Variants in EMC2 observed in about 807,000 individuals in gnomAD.
EMC2 encodes ER membrane protein complex subunit 2, also known as TPR repeat protein 35.
In EMC2, 37 loss-of-function variants were observed where a neutral mutation model predicts 51.6. The observed-to-expected ratio is 0.72, with a 90% confidence interval of 0.55 to 0.94. The LOEUF is 0.94. Ranked by LOEUF, EMC2 falls within the 40% of genes least tolerant of loss-of-function variation. The pLI is 0.00. For missense variants in EMC2, 359 were observed against 350.9 expected (o/e 1.02, Z -0.18); for synonymous variants, 131 against 112.4 (o/e 1.17, Z -1.04).
At chr8:108,466,324 CGA>C (rs1563697373) in intron 5 of EMC2, among the ~76,000 whole-genome samples, 1 of 151,698 alleles carries the variant, frequency 6.6e-6, no homozygotes, top group Admixed American at 6.6e-5. Context: ...AGTCAGTTAA[CGA>C]GACTGTACTT....
chr8:108,484,580 A>T (rs1262216414), intron 10 of EMC2, among the ~76,000 whole-genome samples: 1 of 151,860 alleles, frequency 6.6e-6, no homozygotes, highest in African/African-American at 2.4e-5. Flanking sequence ...GCTCTACATA[A>T]TTTTTTTTAT....
At chr8:108,450,563 T>C (rs2130336590) in intron 3 of EMC2, 71 bp downstream of exon 3, 3 of 875,850 alleles carry the variant, frequency 3.4e-6, no homozygotes, top group Middle Eastern at 2.2e-4. Context: ...ACTTAATGTA[T>C]GGCTTATATG....
At chr8:108,460,040 T>C (rs1009770836) in intron 5 of EMC2, among the ~76,000 whole-genome samples, 3 of 152,210 alleles carry the variant, frequency 2.0e-5, no homozygotes, top group African/African-American at 7.2e-5. Flanking sequence ...TGTACTTATT[T>C]CTTATTCTTA....
chr8:108,457,172 A>G (rs1222978355), intron 5 of EMC2, among the ~76,000 whole-genome samples: 3 of 152,176 alleles, frequency 2.0e-5, no homozygotes, highest in Non-Finnish European at 2.9e-5. Context: ...CTGTAATGAT[A>G]CTTATGTATT....
In EMC2 at chr8:108,479,007, C is replaced by A; in HGVS notation, c.704C>A (p.Ser235Ter). 1 of 1,541,706 alleles carries A rather than the reference C, an allele frequency of 6.5e-7. No individual in the cohort carries two copies. The highest frequency in any genetic ancestry group is 1.3e-5 in the South Asian group (1 of 77,632). ...TTTGATGTTTTTATTTGTTTTTAGT[C>A]GGCAAGTCATATTGCTTCTAATCCA... ...NMRALFGLYMSASHIASNPKA... is the reference protein window; with the variant it reads ...NMRALFGLYM The change falls in exon 10 of 11, where the codon TCG (serine) becomes TAG (stop). Residue 235 changes from serine to a stop codon, truncating the protein, a stop_gained and splice_region_variant. Coordinates refer to ENST00000220853, the MANE Select transcript of EMC2 (RefSeq NM_014673.5). LOFTEE classifies it high-confidence loss of function.
chr8:108,466,013 C>T (rs1819456302), intron 5 of EMC2, among the ~76,000 whole-genome samples: 1 of 152,086 alleles, frequency 6.6e-6, no homozygotes, highest in Non-Finnish European at 1.5e-5. Flanking sequence ...AAATGTTTAT[C>T]AGATATTTAC....
chr8:108,449,123 A>G (rs1007842840), intron 1 of EMC2, among the ~76,000 whole-genome samples: 4 of 151,908 alleles, frequency 2.6e-5, no homozygotes, highest in Middle Eastern at 3.2e-3. Context: ...TCCTTTTTCA[A>G]CCTTTAAGAG....
chr8:108,446,254 GA>G (rs1818875510), intron 1 of EMC2: 1 of 404,338 alleles, frequency 2.5e-6, no homozygotes, highest in African/African-American at 2.1e-5. Flanking sequence ...AATATTAGTG[GA>G]ATAATGAAGT....
At chr8:108,455,992 A>G in intron 5 of EMC2, 62 bp downstream of exon 5, 1 of 593,640 alleles carries the variant, frequency 1.7e-6, no homozygotes. Flanking sequence ...AAATTAATCG[A>G]GGAAATAATA....
chr8:108,444,095 A>T (rs536763153), intron 1 of EMC2, among the ~76,000 whole-genome samples: 4 of 152,338 alleles, frequency 2.6e-5, no homozygotes, highest in East Asian at 1.9e-4. Flanking sequence ...AAGGCCCTTT[A>T]CTAAGTGGTG....
intron 9 of EMC2, among the ~76,000 whole-genome samples, chr8:108,477,898 A>G (rs1256935832): frequency 6.6e-6 from 1 of 152,050 alleles, no homozygotes; most frequent in Non-Finnish European, 1.5e-5. Context: ...TGCTCTCAAT[A>G]CTATCCTCAG....
At chr8:108,457,167 A>G (rs190722415) in intron 5 of EMC2, among the ~76,000 whole-genome samples, 11 of 152,310 alleles carry the variant, frequency 7.2e-5, no homozygotes, top group African/African-American at 2.2e-4. Context: ...ATATTCTGTA[A>G]TGATACTTAT....
At chr8:108,458,668 A>G (rs1355934660) in intron 5 of EMC2, among the ~76,000 whole-genome samples, 4 of 151,978 alleles carry the variant, frequency 2.6e-5, no homozygotes, top group Non-Finnish European at 4.4e-5. Flanking sequence ...ACTGCACGGG[A>G]CCTTGGGCCT....
At chr8:108,444,289 C>G (rs920666290) in intron 1 of EMC2, among the ~76,000 whole-genome samples, 1 of 152,206 alleles carries the variant, frequency 6.6e-6, no homozygotes, top group African/African-American at 2.4e-5. Flanking sequence ...CAACTTCTTT[C>G]TTACTCCCTA....
intron 3 of EMC2, 141 bp downstream of exon 3, chr8:108,450,633 T>A (rs1336675870): frequency 4.7e-6 from 3 of 634,864 alleles, no homozygotes; most frequent in East Asian, 2.7e-5. Flanking sequence ...ACTAACTAGA[T>A]ATTTTAGGAC....
intron 7 of EMC2, chr8:108,473,755 A>G (rs999298829): frequency 3.9e-5 from 6 of 152,028 alleles, no homozygotes; most frequent in Admixed American, 3.9e-4. Context: ...ACCTTTAGTT[A>G]TATATACTTT....
intron 5 of EMC2, among the ~76,000 whole-genome samples, chr8:108,463,458 A>G (rs934481122): frequency 8.5e-5 from 13 of 152,092 alleles, no homozygotes; most frequent in Non-Finnish European, 1.5e-5. Context: ...AAGGGGAAAA[A>G]ATTATATCCA....
intron 10 of EMC2, among the ~76,000 whole-genome samples, chr8:108,479,862 G>T (rs1586193412): frequency 6.6e-6 from 1 of 152,076 alleles, no homozygotes; most frequent in African/African-American, 2.4e-5. Flanking sequence ...CTCCTAAGTA[G>T]CTGGGACTTC....
chr8:108,447,138 A>G (rs960232633), intron 1 of EMC2, among the ~76,000 whole-genome samples: 1 of 152,172 alleles, frequency 6.6e-6, no homozygotes, highest in African/African-American at 2.4e-5. Flanking sequence ...AACTGAAACC[A>G]AAGTTGCATT....
Sources: gnomAD v4.1 joint callset for allele counts (sites outside exome capture counted in the v4.1 genomes callset) on GRCh38, gnomAD v4.1.1 for gene constraint, MANE v1.5 for transcripts, NCBI Gene and HGNC (gene_info 2026-07-23, HGNC 2026-07-21) for gene names.